Variants in ALX4 observed in about 807,000 individuals in gnomAD.
ALX4 encodes homeobox protein aristaless-like 4.
In ALX4, 22 loss-of-function variants were observed where a neutral mutation model predicts 40.6. The ratio of observed to expected loss-of-function variants is 0.54; its 90% CI spans 0.39 to 0.77. The LOEUF is 0.77. Among genes scored for constraint, ALX4 ranks in the 30% least tolerant of loss-of-function variants. The pLI, the probability that ALX4 is intolerant of heterozygous loss-of-function variation, is 0.00. For synonymous variants in ALX4, 266 were observed against 240.5 expected (o/e 1.11, Z -0.98); for missense variants, 556 against 564.8 (o/e 0.98, Z 0.16).
Position 44,264,491 on chromosome 11 carries a change from C to A in ALX4, c.*363G>T. ...TGGGCTGGTGAGGCTGCTGGGTCTG[C>A]ATGGAAATCTAGCATTGACTCATGG... On this transcript the variant is annotated 3_prime_UTR_variant, in exon 4 of 4. Coordinates refer to ENST00000652299, the MANE Select transcript of ALX4 (RefSeq NM_021926.4). The A allele has an allele frequency of 3.5e-6, 1 of 286,562 alleles. No homozygotes were observed. Among genetic ancestry groups the A allele is most frequent in the Non-Finnish European group, 6.6e-6 (1 of 150,794 alleles). The allele number at this position is 286,562 out of a possible 1,614,324, so 17.8% of individuals were successfully genotyped here.
At chr11:44,271,375 G>T (rs987266735) in intron 2 of ALX4, among the ~76,000 whole-genome samples, 1 of 152,176 alleles carries the variant, frequency 6.6e-6, no homozygotes, top group African/African-American at 2.4e-5. Flanking sequence ...TTAACTTCAG[G>T]TTATGACTTC....
intron 1 of ALX4, among the ~76,000 whole-genome samples, chr11:44,297,877 G>A (rs1030068184): frequency 6.6e-6 from 1 of 152,154 alleles, no homozygotes; most frequent in African/African-American, 2.4e-5. Flanking sequence ...TGTTTCCTGA[G>A]TCTAGAGGGC....
chr11:44,267,434 G>T (rs539553407), intron 3 of ALX4, 60 bp downstream of exon 3: 8 of 1,605,364 alleles, frequency 5.0e-6, no homozygotes, highest in South Asian at 2.2e-5. Flanking sequence ...CCTCCAAGGG[G>T]CTCATTCTCA....
chr11:44,268,877 A>G (rs527919363), intron 2 of ALX4, among the ~76,000 whole-genome samples: 4 of 152,310 alleles, frequency 2.6e-5, no homozygotes, highest in Admixed American at 6.5e-5. Context: ...CACACCTCAG[A>G]CAGCACGCTG....
chr11:44,309,180 T>TCCGCAGCCC (rs1956488913), intron 1 of ALX4, among the ~76,000 whole-genome samples: 1 of 138,668 alleles, frequency 7.2e-6, no homozygotes, highest in African/African-American at 2.6e-5. Flanking sequence ...CCCCGCAGCC[T>TCCGCAGCCC]CGCAGCCCCG....
At chr11:44,275,781 G>A in intron 1 of ALX4, 123 bp from the exon 2 acceptor site, 1 of 923,802 alleles carries the variant, frequency 1.1e-6, no homozygotes, top group Non-Finnish European at 1.6e-6. Flanking sequence ...AGAGCTCATT[G>A]GATGCGAGGT....
intron 1 of ALX4, among the ~76,000 whole-genome samples, chr11:44,307,706 C>T (rs973573282): frequency 6.6e-6 from 1 of 152,246 alleles, no homozygotes; most frequent in African/African-American, 2.4e-5. Context: ...GAGCTGGGGC[C>T]TGCATCCCTG....
At chr11:44,305,418 A>C (rs917365416) in intron 1 of ALX4, among the ~76,000 whole-genome samples, 1 of 152,168 alleles carries the variant, frequency 6.6e-6, no homozygotes, top group Non-Finnish European at 1.5e-5. Flanking sequence ...CTCCCTCCAA[A>C]ATTAAACAAC....
intron 1 of ALX4, among the ~76,000 whole-genome samples, chr11:44,289,188 G>A (rs1169084927): frequency 6.6e-6 from 1 of 152,196 alleles, no homozygotes; most frequent in Non-Finnish European, 1.5e-5. Flanking sequence ...GCAATGGAGT[G>A]GCTCTTGAAT....
Position 44,275,561 on chromosome 11 carries a change from C to A in ALX4, c.564G>T (p.Lys188Asn). 6.2e-7 allele frequency: 1 copy of A among 1,614,190 alleles called. No individual in the cohort carries two copies. Among genetic ancestry groups the A allele is most frequent in the African/African-American group, 1.3e-5 (1 of 75,056 alleles). ...SYLSVKEAGV[K>N]GPQDRASSDL... Reference sequence around the variant, plus strand: ...CTGAGCTGGCCCGGTCCTGGGGCCCCTTCACCCCAGCCTCCTTGACACTCA... The same window carrying A: ...CTGAGCTGGCCCGGTCCTGGGGCCCATTCACCCCAGCCTCCTTGACACTCA... The change falls in exon 2 of 4, where the codon AAG (lysine) becomes AAT (asparagine). Residue 188 changes from lysine (K) to asparagine (N), a missense_variant. Transcript: ENST00000652299.
At chr11:44,288,054 GCAACCT>G (rs1460681508) in intron 1 of ALX4, among the ~76,000 whole-genome samples, 1 of 152,120 alleles carries the variant, frequency 6.6e-6, no homozygotes, top group Non-Finnish European at 1.5e-5. Context: ...TTGACTAACT[GCAACCT>G]CTGCCTCCCG....
intron 1 of ALX4, among the ~76,000 whole-genome samples, chr11:44,276,974 A>G (rs1453725309): frequency 6.6e-6 from 1 of 152,128 alleles, no homozygotes; most frequent in Non-Finnish European, 1.5e-5. Flanking sequence ...CCTGGGGGCT[A>G]AGGACCCCTG....
chr11:44,294,575 G>A (rs939717432), intron 1 of ALX4, among the ~76,000 whole-genome samples: 3 of 152,144 alleles, frequency 2.0e-5, no homozygotes, highest in Non-Finnish European at 2.9e-5. Flanking sequence ...CGCTGCGTTA[G>A]GTAGAGATGG....
intron 1 of ALX4, among the ~76,000 whole-genome samples, chr11:44,282,198 C>T (rs1956314075): frequency 6.6e-6 from 1 of 152,148 alleles, no homozygotes; most frequent in East Asian, 1.9e-4. Flanking sequence ...GCAAAATATT[C>T]TAGCAGACAC....
chr11:44,281,918 G>A (rs1956312816), intron 1 of ALX4, among the ~76,000 whole-genome samples: 1 of 152,188 alleles, frequency 6.6e-6, no homozygotes, highest in African/African-American at 2.4e-5. Context: ...TTCAGCAGAG[G>A]GTGGGGTGGA....
intron 1 of ALX4, among the ~76,000 whole-genome samples, chr11:44,288,989 C>T (rs1195915460): frequency 1.3e-5 from 2 of 152,166 alleles, no homozygotes; most frequent in African/African-American, 4.8e-5. Flanking sequence ...TCTCCCCCAC[C>T]CTGTGTCTTG....
chr11:44,284,939 A>G (rs908962964), intron 1 of ALX4, among the ~76,000 whole-genome samples: 1 of 152,078 alleles, frequency 6.6e-6, no homozygotes, highest in Non-Finnish European at 1.5e-5. Flanking sequence ...ACACAAACAC[A>G]CACAGAGAAA....
intron 1 of ALX4, among the ~76,000 whole-genome samples, chr11:44,306,277 G>A (rs1045811311): frequency 6.6e-6 from 1 of 152,238 alleles, no homozygotes; most frequent in African/African-American, 2.4e-5. Flanking sequence ...GTTGGGGTAG[G>A]GACGCTTGCA....
chr11:44,279,924 T>TCAAGACAGACC, intron 1 of ALX4, among the ~76,000 whole-genome samples: 1 of 152,238 alleles, frequency 6.6e-6, no homozygotes, highest in Non-Finnish European at 1.5e-5. Flanking sequence ...TGCTGAGGAA[T>TCAAGACAGACC]AAATGAACAA....
Sources: gnomAD v4.1 joint callset for allele counts (sites outside exome capture counted in the v4.1 genomes callset) on GRCh38, gnomAD v4.1.1 for gene constraint, MANE v1.5 for transcripts, NCBI Gene and HGNC (gene_info 2026-07-23, HGNC 2026-07-21) for gene names.